Variants in GAB2 observed in about 807,000 individuals in gnomAD.
The protein encoded by GAB2 is GRB2-associated-binding protein 2.
In GAB2, 26 loss-of-function variants were observed where a neutral mutation model predicts 65.5. The ratio of observed to expected loss-of-function variants is 0.40; its 90% CI spans 0.29 to 0.55. The LOEUF (loss-of-function observed/expected upper bound fraction) is 0.55. GAB2 is among the 20% of genes least tolerant of loss of function. The pLI is 0.53. For synonymous variants in GAB2, 321 were observed against 329.6 expected, an observed-to-expected ratio of 0.97 and a Z score of 0.28; for missense variants, 884 against 875.8, an observed-to-expected ratio of 1.01 and a Z score of -0.12.
intron 8 of GAB2, among the ~76,000 whole-genome samples, chr11:78,221,468 C>G (rs1864420028): frequency 1.3e-5 from 2 of 152,196 alleles, no homozygotes; most frequent in South Asian, 4.1e-4. Context: ...TTCGTTGGGA[C>G]AGGTCTCATG....
chr11:78,262,483 A>C (rs530708503), intron 2 of GAB2, among the ~76,000 whole-genome samples: 42 of 152,332 alleles, frequency 2.8e-4, no homozygotes, highest in African/African-American at 1.0e-3. Context: ...CCAGACCTTC[A>C]GGGTTTGACC....
intron 1 of GAB2, among the ~76,000 whole-genome samples, chr11:78,365,485 A>T (rs972449187): frequency 1.3e-5 from 2 of 152,212 alleles, no homozygotes; most frequent in African/African-American, 4.8e-5. Context: ...CATTCCTGGT[A>T]TGCAGGGGCT....
At chr11:78,314,559 G>T (rs1855562819) in intron 1 of GAB2, among the ~76,000 whole-genome samples, 1 of 152,146 alleles carries the variant, frequency 6.6e-6, no homozygotes, top group African/African-American at 2.4e-5. Flanking sequence ...TTAATATAAT[G>T]GAGATAAAAC....
At chr11:78,356,850 T>C (rs891679576) in intron 1 of GAB2, among the ~76,000 whole-genome samples, 13 of 152,168 alleles carry the variant, frequency 8.5e-5, no homozygotes, top group African/African-American at 3.1e-4. Context: ...AATGTTACAA[T>C]ATGGATGAAT....
Position 78,226,989 on chromosome 11 carries a change from T to TGTA in GAB2, c.680_682dup (p.Val227_Gln228insLeu). ...GTGTCCATTGCCCTGGGCAAGTTTT[T>TGTA]GTACAGCTGTGTCACTCCTCATGAG... On this transcript the variant is annotated inframe_insertion, in exon 4 of 10. Transcript: ENST00000361507. The TGTA allele has an allele frequency of 6.2e-7, 1 of 1,613,826 alleles. No homozygotes were observed. Among genetic ancestry groups the TGTA allele is most frequent in the Non-Finnish European group, 8.5e-7 (1 of 1,179,908 alleles).
rs73500921 is a variant in GAB2, at chr11:78,338,147, T to C, written c.76-57246A>G. Among the ~76,000 whole-genome samples, 668 of 152,332 alleles carry C rather than the reference T, an allele frequency of 4.4e-3. 3 individuals carry two copies. Among genetic ancestry groups the C allele is most frequent in the African/African-American group, 0.015 (632 of 41,574 alleles). On this transcript the variant is annotated intron_variant, in intron 1 of 9. Coordinates refer to ENST00000361507, the MANE Select transcript of GAB2 (RefSeq NM_080491.3). The stretch of plus-strand genomic sequence containing the variant: ...TGTTACCATCACCATCATAAGAGCA[T>C]TGAATGTTCAATGTTCAATTCAATG...
At chr11:78,245,085 A>G (rs1382702700) in intron 3 of GAB2, among the ~76,000 whole-genome samples, 1 of 152,210 alleles carries the variant, frequency 6.6e-6, no homozygotes, top group Non-Finnish European at 1.5e-5. Flanking sequence ...GTATGAGTCC[A>G]TGTATATGAG....
intron 3 of GAB2, among the ~76,000 whole-genome samples, chr11:78,246,794 C>T (rs141326228): frequency 9.2e-5 from 14 of 152,302 alleles, no homozygotes; most frequent in Non-Finnish European, 1.0e-4. Context: ...CCACCGCACC[C>T]GGCCGAGAAG....
At chr11:78,223,282 T>C (rs1864515523) in intron 6 of GAB2, 130 bp downstream of exon 6, 3 of 694,294 alleles carry the variant, frequency 4.3e-6, no homozygotes, top group African/African-American at 3.7e-5. Flanking sequence ...ATAAGAAAAC[T>C]GAGACTCAGA....
At chr11:78,301,245 G>A (rs1371131299) in intron 1 of GAB2, among the ~76,000 whole-genome samples, 1 of 151,842 alleles carries the variant, frequency 6.6e-6, no homozygotes. Context: ...TCTGTGGCTT[G>A]CCTTTTCTTT....
intron 1 of GAB2, among the ~76,000 whole-genome samples, chr11:78,393,398 G>A (rs1047758125): frequency 6.6e-6 from 1 of 152,134 alleles, no homozygotes; most frequent in African/African-American, 2.4e-5. Context: ...TTTAAAATAT[G>A]AGCCAATAAT....
chr11:78,281,212 A>T (rs1025887167), intron 1 of GAB2, among the ~76,000 whole-genome samples: 1 of 150,234 alleles, frequency 6.7e-6, no homozygotes, highest in African/African-American at 2.5e-5. Flanking sequence ...AAGCACTGGG[A>T]TTATAAGTAT....
intron 2 of GAB2, among the ~76,000 whole-genome samples, chr11:78,279,878 G>T (rs1375638052): frequency 6.6e-6 from 1 of 152,066 alleles, no homozygotes; most frequent in Non-Finnish European, 1.5e-5. Context: ...ACAAGTGTTT[G>T]TGTAAACATG....
At chr11:78,233,300 G>A (rs898849076) in intron 3 of GAB2, among the ~76,000 whole-genome samples, 3 of 152,164 alleles carry the variant, frequency 2.0e-5, no homozygotes, top group African/African-American at 7.2e-5. Context: ...CTCCCAAAGT[G>A]CTGGGATTAT....
At chr11:78,300,459 G>C (rs553473466) in intron 1 of GAB2, among the ~76,000 whole-genome samples, 1 of 150,352 alleles carries the variant, frequency 6.7e-6, no homozygotes, top group African/African-American at 2.5e-5. Flanking sequence ...ATTTCTCCTG[G>C]TTAAATACCT....
chr11:78,391,521 A>G (rs185383501), intron 1 of GAB2, among the ~76,000 whole-genome samples: 24 of 152,312 alleles, frequency 1.6e-4, no homozygotes, highest in African/African-American at 5.5e-4. Context: ...TCACTCTTGG[A>G]GCCCTTAAGC....
chr11:78,383,910 G>A lies in GAB2; in HGVS notation c.75+33736C>T, dbSNP rs886515537. On this transcript the variant is annotated intron_variant, in intron 1 of 9. Coordinates refer to ENST00000361507, the MANE Select transcript of GAB2 (RefSeq NM_080491.3). ...TGGAACTTTACTCGCCAGGCATTGC[G>A]GGCTTTCGTGACATTGCTGGCTTTC... Among the ~76,000 whole-genome samples the A allele has an allele frequency of 3.3e-5, 5 of 152,122 alleles. No individual in the cohort carries two copies. The East Asian group carries it at 7.7e-4, about 23-fold the overall frequency.
chr11:78,297,535 C>T (rs932645717), intron 1 of GAB2, among the ~76,000 whole-genome samples: 8 of 152,000 alleles, frequency 5.3e-5, no homozygotes, highest in African/African-American at 1.4e-4. Context: ...GAACTACTGT[C>T]GTGCACCCAG....
rs1865424276 is a variant in GAB2, at chr11:78,250,484, GAGTA to G, written c.377-88_377-85del. On this transcript the variant is annotated intron_variant, in intron 2 of 9. Coordinates refer to ENST00000361507, the MANE Select transcript of GAB2 (RefSeq NM_080491.3). ...AGTGAGTTGTCAGAGGAAGAAAAAA[GAGTA>G]AGAGCAGAGAAAATAATCCAGCACT... The G allele has an allele frequency of 3.2e-6, 4 of 1,247,336 alleles. No homozygotes were observed. The African/African-American group carries it at 5.9e-5, about 18-fold the overall frequency. The allele number at this position is 1,247,336 out of a possible 1,614,324, so 77.3% of individuals were successfully genotyped here.
Sources: allele counts gnomAD v4.1 joint callset (sites outside exome capture counted in the v4.1 genomes callset), GRCh38; gene constraint gnomAD v4.1.1; transcripts MANE v1.5; gene names NCBI Gene and HGNC (gene_info 2026-07-23, HGNC 2026-07-21).